Variants in ZNF599 observed in about 807,000 individuals in gnomAD.
ZNF599 encodes the protein zinc finger protein 599.
ZNF599 carries 10 observed loss-of-function variants against 11.7 expected under a neutral mutation model. That is an observed-to-expected ratio of 0.86 (90% CI 0.53 to 1.45). ZNF599 has a LOEUF of 1.45. Ranked by LOEUF, ZNF599 falls within the 40% of genes most tolerant of loss-of-function variation. ZNF599 has a pLI of 0.00. For missense variants in ZNF599, 688 were observed against 713.6 expected (o/e 0.96, Z 0.41); for synonymous variants, 232 against 253.2 (o/e 0.92, Z 0.79).
chr19:34,793,471 G>T, the ZNF599 span, among the ~76,000 whole-genome samples: 1 of 152,106 alleles, frequency 6.6e-6, no homozygotes. Flanking sequence ...TACTTGAATT[G>T]GTTTCTTCAT....
At chr19:34,777,411 A>T (rs1459728465), upstream of ZNF599, among the ~76,000 whole-genome samples, 5 of 90,358 alleles carry the variant, frequency 5.5e-5, no homozygotes, top group Admixed American at 3.5e-4. Context: ...ATTATATATA[A>T]TATATATTAA....
At chr19:34,800,462 TAA>T in the ZNF599 span, among the ~76,000 whole-genome samples, 1 of 152,186 alleles carries the variant, frequency 6.6e-6, no homozygotes. Flanking sequence ...TAATTTGTAT[TAA>T]GTTTCTACTG....
At chr19:34,803,412 C>T in the ZNF599 span, among the ~76,000 whole-genome samples, 5 of 152,258 alleles carry the variant, frequency 3.3e-5, no homozygotes, top group East Asian at 1.9e-4. Flanking sequence ...ATAGGAGTTT[C>T]GGAACATCAT....
chr19:34,767,172 G>A, intron 3 of ZNF599, 144 bp downstream of exon 3: 3 of 616,704 alleles, frequency 4.9e-6, no homozygotes, highest in Non-Finnish European at 5.8e-6. Flanking sequence ...TGTGACAGAA[G>A]TGGGAAGACG....
At chr19:34,790,054 C>T in the ZNF599 span, among the ~76,000 whole-genome samples, 4 of 152,140 alleles carry the variant, frequency 2.6e-5, no homozygotes, top group Non-Finnish European at 5.9e-5. Context: ...GGTCTAAGTT[C>T]ATCCCTCTGC....
Position 34,769,967 on chromosome 19 carries a change from G to A in ZNF599, c.19-412C>T, listed in dbSNP as rs1239671782. On this transcript the variant is annotated intron_variant, in intron 1 of 3. Coordinates refer to ENST00000329285, the MANE Select transcript of ZNF599 (RefSeq NM_001007248.3). ...TAAAAGTCTCCAGGTCTGGAATCAGGCTCCTGAAGTTTAAATCCAGCCTCT... is the reference window on the plus strand; with the variant it reads ...TAAAAGTCTCCAGGTCTGGAATCAGACTCCTGAAGTTTAAATCCAGCCTCT... 2.0e-5 allele frequency among the ~76,000 whole-genome samples: 3 copies of A among 152,218 alleles called. No individual in the cohort carries two copies. The East Asian group carries it at 5.8e-4, about 29-fold the overall frequency.
At chr19:34,772,494 C>A in intron 1 of ZNF599, 1 of 1,222,030 alleles carries the variant, frequency 8.2e-7, no homozygotes, top group Non-Finnish European at 1.0e-6. Flanking sequence ...GGACCCACGT[C>A]ACAAGCGTAC....
intron 3 of ZNF599, chr19:34,765,400 T>C (rs1008953597): frequency 1.7e-6 from 1 of 586,702 alleles, no homozygotes; most frequent in Non-Finnish European, 3.0e-6. Flanking sequence ...ATGGTGATGA[T>C]GAGCTATGAG....
At chr19:34,796,377 C>A in the ZNF599 span, among the ~76,000 whole-genome samples, 1 of 150,610 alleles carries the variant, frequency 6.6e-6, no homozygotes, top group Non-Finnish European at 1.5e-5. Flanking sequence ...GAGGTGCAAT[C>A]TTGACTCACT....
Position 34,769,704 on chromosome 19 carries a change from G to A in ZNF599, c.19-149C>T, listed in dbSNP as rs148650689. The A allele has an allele frequency of 5.5e-3, 5,037 of 912,856 alleles. 28 individuals carry two copies. Among genetic ancestry groups the A allele is most frequent in the Non-Finnish European group, 6.1e-3 (3,693 of 608,162 alleles). The allele number at this position is 912,856 out of a possible 1,614,324, so 56.5% of individuals were successfully genotyped here. On this transcript the variant is annotated intron_variant, in intron 1 of 3. Coordinates refer to ENST00000329285, the MANE Select transcript of ZNF599 (RefSeq NM_001007248.3). The stretch of plus-strand genomic sequence containing the variant: ...GGGCTCTGTGGAGGCAGATGGTGCC[G>A]CTGACAGAATACAAAGATGTGGGAC...
chr19:34,794,126 A>T, the ZNF599 span, among the ~76,000 whole-genome samples: 2 of 152,290 alleles, frequency 1.3e-5, no homozygotes, highest in Non-Finnish European at 2.9e-5. Context: ...TAAAACCATC[A>T]GGTCTCGTGA....
At position 34,759,268 on chromosome 19, in the gene ZNF599, T is replaced by C. The variant is rs375598988; in HGVS notation, c.1533A>G (p.Glu511=). The C allele has an allele frequency of 1.2e-6, 2 of 1,614,126 alleles. No individual in the cohort carries two copies. Among genetic ancestry groups the C allele is most frequent in the African/African-American group, 2.7e-5 (2 of 74,948 alleles). The change falls in exon 4 of 4, where the codon GAA becomes GAG. Residue 511 remains glutamate (E), a synonymous_variant. Coordinates refer to ENST00000329285, the MANE Select transcript of ZNF599 (RefSeq NM_001007248.3). ...CAGGTTGGGTAAAAGCCTTTCCACA[T>C]TCTCTACAAACATAGGGCTTCTCTC... The part of the protein sequence containing the change: ...HTGEKPYVCR[E]CGKAFTQPAN...
chr19:34,797,045 T>G, the ZNF599 span, among the ~76,000 whole-genome samples: 1 of 148,152 alleles, frequency 6.7e-6, no homozygotes, highest in African/African-American at 2.5e-5. Context: ...TTCCCACCTA[T>G]GAGTGAGCAC....
At chr19:34,788,078 G>T in the ZNF599 span, among the ~76,000 whole-genome samples, 1 of 152,196 alleles carries the variant, frequency 6.6e-6, no homozygotes, top group South Asian at 2.1e-4. Context: ...ATTGGGTATT[G>T]TAAGTAATCT....
the ZNF599 span, among the ~76,000 whole-genome samples, chr19:34,790,613 G>A: frequency 6.6e-6 from 1 of 152,142 alleles, no homozygotes; most frequent in Admixed American, 6.5e-5. Context: ...AGGAGGAGAG[G>A]AAGATTAGGG....
chr19:34,788,578 A>G, the ZNF599 span: 4 of 152,238 alleles, frequency 2.6e-5, no homozygotes, highest in Non-Finnish European at 5.9e-5. Context: ...ATAAAATGAA[A>G]TTCTTAAAGA....
At position 34,773,120 on chromosome 19, in the gene ZNF599, C is replaced by T. The variant is rs542460836; in HGVS notation, c.-279G>A. 2.6e-5 allele frequency: 11 copies of T among 419,546 alleles called. No homozygotes were observed. The highest frequency in any genetic ancestry group is 4.6e-5 in the Non-Finnish European group (11 of 237,134). 26.0% of individuals were successfully genotyped at this position (419,546 alleles called of 1,614,324 possible). A position where few individuals can be genotyped will look rare whatever the true frequency, so the allele number is the denominator to read the frequency against. On this transcript the variant is annotated 5_prime_UTR_variant, in exon 1 of 4. Coordinates refer to ENST00000329285, the MANE Select transcript of ZNF599 (RefSeq NM_001007248.3). ...ATCCTCCTCACTGTCCGTCTCTACT[C>T]GGTCTCGAAAAGTGGCCCCTGTCTG...
At chr19:34,775,907 A>G (rs1300842019), upstream of ZNF599, among the ~76,000 whole-genome samples, 14 of 152,254 alleles carry the variant, frequency 9.2e-5, no homozygotes, top group Admixed American at 9.2e-4. Flanking sequence ...TTTAAAAAGA[A>G]TCCTATTTAG....
At chr19:34,777,199 C>T (rs2069219373), upstream of ZNF599, among the ~76,000 whole-genome samples, 1 of 143,618 alleles carries the variant, frequency 7.0e-6, no homozygotes, top group Admixed American at 7.2e-5. Context: ...GGGGACAAAA[C>T]ATGATCAATT....
Sources: gnomAD v4.1 joint callset for allele counts (sites outside exome capture counted in the v4.1 genomes callset) on GRCh38, gnomAD v4.1.1 for gene constraint, MANE v1.5 for transcripts, NCBI Gene and HGNC (gene_info 2026-07-23, HGNC 2026-07-21) for gene names.